The following MGAT4C variants were observed in gnomAD, a reference collection of about 807,000 sequenced individuals.
MGAT4C encodes MGAT4 family member C.
In MGAT4C, 19 loss-of-function variants were observed where a neutral mutation model predicts 40.1. That is an observed-to-expected ratio of 0.47 (90% CI 0.33 to 0.70). MGAT4C has a LOEUF of 0.70. Ranked by LOEUF, MGAT4C falls within the 30% of genes least tolerant of loss-of-function variation. The pLI is 0.02. For missense variants in MGAT4C, 491 were observed against 563.2 expected (o/e 0.87, Z 1.30); for synonymous variants, 181 against 187.1 (o/e 0.97, Z 0.27).
At chr12:86,127,841 T>C (rs952759546) in intron 1 of MGAT4C, among the ~76,000 whole-genome samples, 1 of 152,202 alleles carries the variant, frequency 6.6e-6, no homozygotes, top group Non-Finnish European at 1.5e-5. Context: ...GTAACACAAG[T>C]GGAGCGGTCA....
At chr12:86,448,903 T>C (rs1391544281) in intron 2 of MGAT4C, among the ~76,000 whole-genome samples, 2 of 152,150 alleles carry the variant, frequency 1.3e-5, no homozygotes, top group Non-Finnish European at 2.9e-5. Flanking sequence ...AAGCCAAGAA[T>C]TGGAACCTTC....
intron 2 of MGAT4C, among the ~76,000 whole-genome samples, chr12:85,990,219 AT>A (rs1217138529): frequency 1.3e-5 from 2 of 152,116 alleles, no homozygotes; most frequent in Non-Finnish European, 2.9e-5. Context: ...GTTTGAAATA[AT>A]TCATGTACTA....
chr12:86,444,686 T>C (rs1169687787), intron 2 of MGAT4C, among the ~76,000 whole-genome samples: 2 of 152,240 alleles, frequency 1.3e-5, no homozygotes, highest in Admixed American at 6.5e-5. Flanking sequence ...TAAATTTTTA[T>C]CTTAATGTTT....
intron 1 of MGAT4C, among the ~76,000 whole-genome samples, chr12:86,224,709 T>C (rs1951012020): frequency 6.6e-6 from 1 of 152,172 alleles, no homozygotes; most frequent in South Asian, 2.1e-4. Context: ...ATCACTGGGT[T>C]AATAAAGAAA....
At chr12:86,568,754 A>G (rs1960238254) in intron 2 of MGAT4C, among the ~76,000 whole-genome samples, 1 of 152,044 alleles carries the variant, frequency 6.6e-6, no homozygotes, top group South Asian at 2.1e-4. Context: ...AAAAGCATAG[A>G]GAACTTGGAA....
chr12:86,394,500 T>TA (rs1018294438), intron 3 of MGAT4C, among the ~76,000 whole-genome samples: 1 of 145,936 alleles, frequency 6.9e-6, no homozygotes, highest in Admixed American at 7.0e-5. Flanking sequence ...TTTATATATA[T>TA]ATTTTTTAAA....
intron 3 of MGAT4C, among the ~76,000 whole-genome samples, chr12:86,354,377 C>A: frequency 6.6e-6 from 1 of 152,254 alleles, no homozygotes; most frequent in South Asian, 2.1e-4. Context: ...CTAGGCATAG[C>A]TCAACTACTC....
rs182588656 is a variant in MGAT4C at position 86,442,086 on chromosome 12, G to A, written c.-228-6821C>T. Among the ~76,000 whole-genome samples, 49 of 152,234 alleles carry A rather than the reference G, an allele frequency of 3.2e-4. 1 individual carries two copies. Among genetic ancestry groups the A allele is most frequent in the Admixed American group, 1.2e-3 (19 of 15,282 alleles). ...TTGTGGTTTTGATTTGCATTTCTCTGATGGCCAGTGATGATGAGCATTTTT... is the reference window on the plus strand; with the variant it reads ...TTGTGGTTTTGATTTGCATTTCTCTAATGGCCAGTGATGATGAGCATTTTT... On this transcript the variant is annotated intron_variant, in intron 2 of 7. Transcript: ENST00000548651.
chr12:86,355,003 C>T (rs980005378), intron 3 of MGAT4C, among the ~76,000 whole-genome samples: 4 of 152,152 alleles, frequency 2.6e-5, no homozygotes, highest in East Asian at 1.9e-4. Flanking sequence ...TATTTGTTCT[C>T]GCCCTTGTCC....
At chr12:86,381,958 G>T (rs1024108462) in intron 3 of MGAT4C, among the ~76,000 whole-genome samples, 1 of 152,142 alleles carries the variant, frequency 6.6e-6, no homozygotes, top group South Asian at 2.1e-4. Context: ...TGGTTGTGAG[G>T]CCTCCCCAGC....
chr12:86,577,237 C>T (rs1960600880), intron 2 of MGAT4C, among the ~76,000 whole-genome samples: 1 of 151,730 alleles, frequency 6.6e-6, no homozygotes, highest in African/African-American at 2.4e-5. Context: ...AATATAAGAT[C>T]ATATTATCAG....
intron 1 of MGAT4C, among the ~76,000 whole-genome samples, chr12:86,165,179 G>A (rs1269573750): frequency 6.6e-6 from 1 of 152,006 alleles, no homozygotes; most frequent in African/African-American, 2.4e-5. Context: ...TTTTAAGCTA[G>A]GATAATTAGA....
At chr12:86,172,469 C>G (rs192178186) in intron 1 of MGAT4C, among the ~76,000 whole-genome samples, 180 of 152,166 alleles carry the variant, frequency 1.2e-3, no homozygotes, top group African/African-American at 3.9e-3. Context: ...GATAGAACAG[C>G]TTTTAAAACA....
At chr12:86,448,481 G>T (rs1957374670) in intron 2 of MGAT4C, among the ~76,000 whole-genome samples, 1 of 152,044 alleles carries the variant, frequency 6.6e-6, no homozygotes, top group African/African-American at 2.4e-5. Flanking sequence ...TCATTGCATT[G>T]TTTTGAAATG....
At chr12:86,245,953 T>C (rs890618581) in intron 1 of MGAT4C, among the ~76,000 whole-genome samples, 4 of 152,174 alleles carry the variant, frequency 2.6e-5, no homozygotes, top group Non-Finnish European at 4.4e-5. Context: ...TACACCATTA[T>C]ACAGTTTTAC....
intron 1 of MGAT4C, among the ~76,000 whole-genome samples, chr12:86,733,735 A>G (rs1950945820): frequency 6.6e-6 from 1 of 152,066 alleles, no homozygotes; most frequent in African/African-American, 2.4e-5. Flanking sequence ...AGCAAGGAAG[A>G]AGGGGGGGAG....
intron 1 of MGAT4C, among the ~76,000 whole-genome samples, chr12:86,107,368 G>A (rs75802541): frequency 6.6e-6 from 1 of 152,090 alleles, no homozygotes; most frequent in African/African-American, 2.4e-5. Context: ...GTGTGTGTGT[G>A]TGTGTTTAAT....
Position 86,288,475 on chromosome 12 carries a change from T to C in MGAT4C, c.-57+45590A>G, listed in dbSNP as rs970226798. ...GGTTTTTTTCTAGGGTTTTATATGG[T>C]TTTAGGTCTTACATTTAAGTTTTAA... On this transcript the variant is annotated intron_variant, in intron 4 of 7. Transcript: ENST00000548651. Among the ~76,000 whole-genome samples, 3 of 152,150 alleles carry C rather than the reference T, an allele frequency of 2.0e-5. No homozygotes were observed. The South Asian group carries it at 6.2e-4, about 32-fold the overall frequency.
intron 4 of MGAT4C, among the ~76,000 whole-genome samples, chr12:86,327,138 C>T (rs1026280221): frequency 5.9e-5 from 9 of 152,056 alleles, no homozygotes; most frequent in African/African-American, 2.2e-4. Flanking sequence ...TCTTATTATC[C>T]TATTTTTCAT....
Sources: allele counts gnomAD v4.1 joint callset (sites outside exome capture counted in the v4.1 genomes callset), GRCh38; gene constraint gnomAD v4.1.1; transcripts MANE v1.5; gene names NCBI Gene and HGNC (gene_info 2026-07-23, HGNC 2026-07-21).